The following UNC5C variants were observed in gnomAD, a reference collection of about 807,000 sequenced individuals.
UNC5C encodes the protein unc-5 netrin receptor C, also known as netrin receptor UNC5C.
In UNC5C, 47 loss-of-function variants were observed where a neutral mutation model predicts 99.8. That is an observed-to-expected ratio of 0.47 (90% CI 0.37 to 0.60). UNC5C has a LOEUF of 0.60. UNC5C is among the 20% of genes least tolerant of loss of function. The pLI is 0.00. For synonymous variants in UNC5C, 487 were observed against 452.2 expected (o/e 1.08, Z -0.98); for missense variants, 1,062 against 1,165.9 (o/e 0.91, Z 1.30).
At chr4:95,460,164 G>A (rs1454041163) in intron 1 of UNC5C, among the ~76,000 whole-genome samples, 1 of 146,674 alleles carries the variant, frequency 6.8e-6, no homozygotes, top group Non-Finnish European at 1.5e-5. Flanking sequence ...TGCATTTTAT[G>A]CTCTTGTTGG....
intron 1 of UNC5C, among the ~76,000 whole-genome samples, chr4:95,541,295 T>C (rs1464769968): frequency 1.3e-5 from 2 of 152,160 alleles, no homozygotes; most frequent in Non-Finnish European, 2.9e-5. Context: ...AATCACTCCT[T>C]CATCCAATGT....
rs150883244 is a variant in UNC5C, at chr4:95,205,676, TGTATA to T, written c.1902+947_1902+951del. Among the ~76,000 whole-genome samples the T allele has an allele frequency of 6.3e-3, 955 of 152,316 alleles. 10 individuals carry two copies. Among genetic ancestry groups the T allele is most frequent in the African/African-American group, 0.022 (911 of 41,562 alleles). The stretch of plus-strand genomic sequence containing the variant: ...GTTTTACATTTTATACAAGTATAAA[TGTATA>T]GTATAGTTTTAAAATTATTGAGTAT... On this transcript the variant is annotated intron_variant, in intron 11 of 15. Coordinates refer to ENST00000453304, the MANE Select transcript of UNC5C (RefSeq NM_003728.4).
At chr4:95,171,317 T>G (rs1736094401) in intron 14 of UNC5C, among the ~76,000 whole-genome samples, 1 of 151,824 alleles carries the variant, frequency 6.6e-6, no homozygotes, top group Admixed American at 6.6e-5. Context: ...CGTGCCATGC[T>G]GGTGCGCTGC....
chr4:95,381,258 C>T (rs551324485), intron 1 of UNC5C, among the ~76,000 whole-genome samples: 1 of 152,292 alleles, frequency 6.6e-6, no homozygotes, highest in South Asian at 2.1e-4. Flanking sequence ...ACGAGAGCCA[C>T]TTTGAAGAGC....
chr4:95,517,456 C>T (rs1310398443), intron 1 of UNC5C, among the ~76,000 whole-genome samples: 4 of 152,120 alleles, frequency 2.6e-5, no homozygotes, highest in Non-Finnish European at 4.4e-5. Context: ...GTATCATAAA[C>T]ACATATACAC....
chr4:95,545,772 G>GCGCGCACACACA lies in UNC5C; in HGVS notation c.124+2961_124+2962insTGTGTGTGCGCG, dbSNP rs6148582. Among the ~76,000 whole-genome samples, 73 of 148,400 alleles carry GCGCGCACACACA rather than the reference G, an allele frequency of 4.9e-4. No homozygotes were observed. In the East Asian group the frequency reaches 5.7e-3, roughly 12 times the overall value. On this transcript the variant is annotated intron_variant, in intron 1 of 15. Coordinates refer to ENST00000453304, the MANE Select transcript of UNC5C (RefSeq NM_003728.4). ...TGATCTCACACACACGCGCGCGCGCGCACACACACACACACACACACACTG... is the reference window on the plus strand; with the variant it reads ...TGATCTCACACACACGCGCGCGCGCGCGCGCACACACACACACACACACACACACACACACTG...
intron 1 of UNC5C, among the ~76,000 whole-genome samples, chr4:95,489,056 C>A (rs12640943): frequency 0.83 from 122,162 of 146,948 alleles, 50,699 homozygotes; most frequent in Non-Finnish European, 0.86. Flanking sequence ...GAAGACAGGA[C>A]TAAAGGAAGG....
At chr4:95,450,726 T>C (rs1747257695) in intron 1 of UNC5C, among the ~76,000 whole-genome samples, 1 of 152,250 alleles carries the variant, frequency 6.6e-6, no homozygotes, top group Admixed American at 6.5e-5. Flanking sequence ...ATCCATTTAA[T>C]ACATATTTTC....
chr4:95,498,136 C>A (rs1721677862), intron 1 of UNC5C, among the ~76,000 whole-genome samples: 2 of 151,984 alleles, frequency 1.3e-5, no homozygotes. Context: ...AAACATCTAT[C>A]ATGGACCCCG....
chr4:95,209,103 C>A (rs1737982288), intron 10 of UNC5C, among the ~76,000 whole-genome samples: 1 of 152,168 alleles, frequency 6.6e-6, no homozygotes. Context: ...TCCCTAAGCT[C>A]ATAGATCCTT....
intron 1 of UNC5C, among the ~76,000 whole-genome samples, chr4:95,537,300 C>T (rs1560498418): frequency 1.3e-5 from 2 of 152,138 alleles, no homozygotes; most frequent in African/African-American, 2.4e-5. Context: ...CTATTGGGGT[C>T]ATATGCTTAA....
intron 1 of UNC5C, among the ~76,000 whole-genome samples, chr4:95,379,580 A>G (rs923339247): frequency 1.3e-5 from 2 of 152,152 alleles, no homozygotes; most frequent in African/African-American, 4.8e-5. Flanking sequence ...GTGAGCTTTC[A>G]AAGTGTTTTT....
chr4:95,398,310 C>T (rs1240391059), intron 1 of UNC5C, among the ~76,000 whole-genome samples: 1 of 151,970 alleles, frequency 6.6e-6, no homozygotes, highest in African/African-American at 2.4e-5. Flanking sequence ...AAAGTTGAAA[C>T]CAAGAAACCA....
intron 3 of UNC5C, among the ~76,000 whole-genome samples, chr4:95,295,154 A>G (rs1741629444): frequency 6.6e-6 from 1 of 152,162 alleles, no homozygotes. Context: ...GTATGTTAAT[A>G]TTTTGCCTGA....
chr4:95,180,905 T>TTGTC (rs1404301645), intron 14 of UNC5C, among the ~76,000 whole-genome samples: 1 of 152,164 alleles, frequency 6.6e-6, no homozygotes, highest in African/African-American at 2.4e-5. Context: ...TGTTTATGGT[T>TTGTC]TGTCAATCAT....
Position 95,251,747 on chromosome 4 carries a change from C to T in UNC5C, c.595-1080G>A, listed in dbSNP as rs191541345. 3.4e-4 allele frequency among the ~76,000 whole-genome samples: 52 copies of T among 152,238 alleles called. 1 individual carries two copies. The highest frequency in any genetic ancestry group is 1.3e-4 in the Non-Finnish European group (9 of 68,018). ...AAACCTTAAGGAGCTACTCTAGCAC[C>T]ACAAGACGTCTAGAAATTAATCTCT... On this transcript the variant is annotated intron_variant, in intron 4 of 15. Transcript: ENST00000453304.
chr4:95,506,329 C>A (rs1721921251), intron 1 of UNC5C, among the ~76,000 whole-genome samples: 1 of 152,072 alleles, frequency 6.6e-6, no homozygotes, highest in East Asian at 1.9e-4. Flanking sequence ...TTCTTATCTG[C>A]CTCAGATGAG....
At chr4:95,453,369 A>G (rs931752346) in intron 1 of UNC5C, among the ~76,000 whole-genome samples, 1 of 152,100 alleles carries the variant, frequency 6.6e-6, no homozygotes, top group African/African-American at 2.4e-5. Context: ...GTTGGATAAG[A>G]CAAGGTAAGG....
intron 1 of UNC5C, among the ~76,000 whole-genome samples, chr4:95,462,869 A>C (rs1747646534): frequency 6.6e-6 from 1 of 152,150 alleles, no homozygotes; most frequent in Non-Finnish European, 1.5e-5. Context: ...ACATAGTGCA[A>C]AGTCACCACA....
Sources: gnomAD v4.1 joint callset for allele counts (sites outside exome capture counted in the v4.1 genomes callset) on GRCh38, gnomAD v4.1.1 for gene constraint, MANE v1.5 for transcripts, NCBI Gene and HGNC (gene_info 2026-07-23, HGNC 2026-07-21) for gene names.